NCKAP5: variants seen among roughly 807,000 people sequenced by gnomAD.
The protein encoded by NCKAP5 is NCK associated protein 5.
A neutral mutation model predicts 167.0 loss-of-function variants in NCKAP5; 92 were observed. That is an observed-to-expected ratio of 0.55 (90% confidence interval 0.47 to 0.66). NCKAP5 has a LOEUF of 0.66. Among genes scored for constraint, NCKAP5 ranks in the 30% least tolerant of loss-of-function variants. The pLI is 0.00. For missense variants in NCKAP5, 2,378 were observed against 2,315.0 expected, an observed-to-expected ratio of 1.03 and a Z score of -0.56; for synonymous variants, 891 against 877.4, an observed-to-expected ratio of 1.02 and a Z score of -0.27.
chr2:133,655,268 G>A, the NCKAP5 span, among the ~76,000 whole-genome samples: 18 of 152,266 alleles, frequency 1.2e-4, no homozygotes, highest in Middle Eastern at 3.4e-3. Context: ...GGCCAGGGTA[G>A]ACATTTTTCC....
chr2:133,078,333 G>A (rs1360029647), intron 6 of NCKAP5, among the ~76,000 whole-genome samples: 1 of 152,172 alleles, frequency 6.6e-6, no homozygotes, highest in Admixed American at 6.5e-5. Context: ...GAAGGCTGAG[G>A]GGAAACCAGT....
intron 18 of NCKAP5, among the ~76,000 whole-genome samples, chr2:132,727,869 G>T (rs914423534): frequency 1.3e-5 from 2 of 152,228 alleles, no homozygotes; most frequent in Admixed American, 6.5e-5. Context: ...TACTGAGGCA[G>T]ATGCTCAAGG....
At chr2:133,283,289 GT>G (rs966249741) in intron 4 of NCKAP5, among the ~76,000 whole-genome samples, 19 of 151,628 alleles carry the variant, frequency 1.3e-4, no homozygotes, top group East Asian at 3.9e-4. Flanking sequence ...AGGAGAAATA[GT>G]TTTTTTTTAA....
chr2:133,059,213 T>C (rs1487735301), intron 6 of NCKAP5, among the ~76,000 whole-genome samples: 1 of 151,866 alleles, frequency 6.6e-6, no homozygotes, highest in African/African-American at 2.4e-5. Flanking sequence ...GGCAGGAGAA[T>C]GGCATGAACC....
At chr2:133,421,998 G>A (rs1442730931) in intron 3 of NCKAP5, among the ~76,000 whole-genome samples, 1 of 152,176 alleles carries the variant, frequency 6.6e-6, no homozygotes, top group Admixed American at 6.5e-5. Context: ...TTGGCATTGG[G>A]GATAGAGAAC....
At chr2:133,277,516 T>C (rs2089779114) in intron 4 of NCKAP5, among the ~76,000 whole-genome samples, 1 of 152,074 alleles carries the variant, frequency 6.6e-6, no homozygotes, top group African/African-American at 2.4e-5. Context: ...AAAATAGATG[T>C]GAAGTAATAG....
intron 6 of NCKAP5, among the ~76,000 whole-genome samples, chr2:133,111,000 G>A (rs1303591694): frequency 6.6e-6 from 1 of 152,010 alleles, no homozygotes; most frequent in Non-Finnish European, 1.5e-5. Flanking sequence ...TCTACCTCTT[G>A]TTACAAAGGC....
chr2:132,800,963 G>A (rs571283805), intron 11 of NCKAP5, among the ~76,000 whole-genome samples: 6 of 152,246 alleles, frequency 3.9e-5, no homozygotes, highest in South Asian at 2.1e-4. Flanking sequence ...CTGGGGGCAC[G>A]GCTGGCCTGC....
chr2:133,085,565 A>T (rs1433368673), intron 6 of NCKAP5, among the ~76,000 whole-genome samples: 1 of 151,952 alleles, frequency 6.6e-6, no homozygotes, highest in Non-Finnish European at 1.5e-5. Flanking sequence ...GAGGTAGCAT[A>T]AAAAAAAGCT....
chr2:133,674,629 A>T, the NCKAP5 span, among the ~76,000 whole-genome samples: 872 of 152,076 alleles, frequency 5.7e-3, 12 homozygotes, highest in African/African-American at 0.02. Flanking sequence ...ACCAACATCA[A>T]CATTCAAGGA....
At chr2:133,039,313 G>A (rs767545178) in intron 6 of NCKAP5, among the ~76,000 whole-genome samples, 16 of 152,148 alleles carry the variant, frequency 1.1e-4, no homozygotes, top group Non-Finnish European at 1.8e-4. Flanking sequence ...AGTTGGCCAT[G>A]GGAGGTAATA....
chr2:133,025,502 G>A (rs1433262801), intron 6 of NCKAP5, among the ~76,000 whole-genome samples: 1 of 152,206 alleles, frequency 6.6e-6, no homozygotes, highest in African/African-American at 2.4e-5. Context: ...TTAAGCATCT[G>A]TGAGAGGTGT....
At chr2:132,709,734 C>A (rs1459016201) in intron 19 of NCKAP5, among the ~76,000 whole-genome samples, 1 of 151,980 alleles carries the variant, frequency 6.6e-6, no homozygotes, top group Non-Finnish European at 1.5e-5. Context: ...AAACATCAAA[C>A]CCTGATATAT....
At chr2:133,525,675 T>C (rs1321879974) in intron 2 of NCKAP5, among the ~76,000 whole-genome samples, 1 of 152,226 alleles carries the variant, frequency 6.6e-6, no homozygotes, top group African/African-American at 2.4e-5. Context: ...AAGTATACAA[T>C]TCAGCGTCAA....
chr2:132,739,826 T>C (rs1302310032), intron 16 of NCKAP5, among the ~76,000 whole-genome samples: 1 of 152,202 alleles, frequency 6.6e-6, no homozygotes, highest in Admixed American at 6.5e-5. Context: ...ATCTGCCTCA[T>C]GTAGAGAAAA....
At chr2:132,862,653 G>A (rs1690004160) in intron 10 of NCKAP5, among the ~76,000 whole-genome samples, 3 of 151,626 alleles carry the variant, frequency 2.0e-5, no homozygotes, top group South Asian at 4.2e-4. Flanking sequence ...CCAGCTACTC[G>A]GGAGGCTGAT....
At chr2:133,608,870 C>A in the NCKAP5 span, among the ~76,000 whole-genome samples, 1 of 152,172 alleles carries the variant, frequency 6.6e-6, no homozygotes, top group East Asian at 1.9e-4. Context: ...AGATCCTTCA[C>A]CATATATGCT....
At chr2:132,897,575 G>A (rs1483395551) in intron 8 of NCKAP5, among the ~76,000 whole-genome samples, 10 of 152,058 alleles carry the variant, frequency 6.6e-5, no homozygotes, top group Admixed American at 5.9e-4. Context: ...AGAATGTCTG[G>A]CAGCATCCCT....
intron 3 of NCKAP5, among the ~76,000 whole-genome samples, chr2:133,502,114 C>A (rs770644684): frequency 6.6e-5 from 10 of 152,202 alleles, no homozygotes; most frequent in Non-Finnish European, 7.3e-5. Flanking sequence ...AGAAGAAAGT[C>A]TTGGGTTTCC....
Sources: gnomAD v4.1 joint callset for allele counts (sites outside exome capture counted in the v4.1 genomes callset) on GRCh38, gnomAD v4.1.1 for gene constraint, MANE v1.5 for transcripts, NCBI Gene and HGNC (gene_info 2026-07-23, HGNC 2026-07-21) for gene names.